The following HYOU1 variants were observed in gnomAD, a reference collection of about 807,000 sequenced individuals.
HYOU1 encodes the protein hypoxia up-regulated 1, also known as hypoxia up-regulated protein 1.
Under a neutral mutation model 120.5 loss-of-function variants are expected in HYOU1, and 40 were observed. The observed-to-expected ratio is 0.33, with a 90% CI of 0.26 to 0.43. The LOEUF is 0.43. Ranked by LOEUF, HYOU1 falls within the 20% of genes least tolerant of loss-of-function variation. HYOU1 has a pLI of 1.00. For synonymous variants in HYOU1, 501 were observed against 479.4 expected (o/e 1.05, Z -0.59); for missense variants, 1,085 against 1,278.3 (o/e 0.85, Z 2.31).
chr11:119,050,719 C>CAAAAAAAAAAAA lies in HYOU1; in HGVS notation c.1665+315_1665+316insTTTTTTTTTTTT, dbSNP rs1944379626. ...TTAAGTAACAGAGCCAAGACCCTCT[C>CAAAAAAAAAAAA]CAAAAAAAAAAAAAAAAAAAAAAAA... On this transcript the variant is annotated intron_variant, in intron 14 of 25. Transcript: ENST00000617285. Among the ~76,000 whole-genome samples the CAAAAAAAAAAAA allele has an allele frequency of 3.8e-5, 2 of 52,868 alleles. 1 individual carries two copies. The highest frequency in any genetic ancestry group is 7.4e-5 in the Non-Finnish European group (2 of 26,900). The allele number at this position is 52,868 out of a possible 152,430, so 34.7% of individuals were successfully genotyped here.
In HYOU1 at chr11:119,055,369, T is replaced by C. The variant is rs200953071; in HGVS notation, c.265-30A>G. Reference sequence around the variant, plus strand: ...GGGGTGAAGAAGGAGCAGACTAGTATTAGGCTCCCAAGTCCACCATTACCT... The same window carrying C: ...GGGGTGAAGAAGGAGCAGACTAGTACTAGGCTCCCAAGTCCACCATTACCT... On this transcript the variant is annotated intron_variant, in intron 4 of 25. Transcript: ENST00000617285. This position sits in a 1 kb window ranked among gnomAD's most constrained non-coding sequence, Gnocchi z 4.0. 1.2e-5 allele frequency: 19 copies of C among 1,610,224 alleles called. No homozygotes were observed. The highest frequency in any genetic ancestry group is 1.6e-5 in the Non-Finnish European group (19 of 1,177,372).
Position 119,052,426 on chromosome 11 carries a change from C to G in HYOU1, c.991G>C (p.Glu331Gln). 1 of 1,614,204 alleles carries G rather than the reference C, an allele frequency of 6.2e-7. No individual in the cohort carries two copies. The highest frequency in any genetic ancestry group is 8.5e-7 in the Non-Finnish European group (1 of 1,180,030). Residue 331 changes from glutamate to glutamine, a missense_variant, in exon 10 of 26, where the codon GAA (glutamate) becomes CAA (glutamine). Physicochemically the swap from Glu to Gln is conservative, Grantham distance 29. Around this residue, in one of 4 missense-constraint regions of HYOU1, gnomAD observed 515 missense variants for 677.8 expected, o/e 0.76. Coordinates refer to ENST00000617285, the MANE Select transcript of HYOU1 (RefSeq NM_006389.5). This position sits in a 1 kb window ranked among gnomAD's most constrained non-coding sequence, Gnocchi z 5.0. ...AAGTCCACATCATCCATCAGGCCTT[C>G]AATCTGGGAGAGGATGGGGACTGTC... ...SANADHMAQI[E>Q]GLMDDVDFKA... is the part of the protein sequence containing the mutation.
At position 119,045,632 on chromosome 11, in the gene HYOU1, C is replaced by G. The variant is rs782684099; in HGVS notation, c.2961G>C (p.Ser987=). The G allele has an allele frequency of 2.5e-6, 4 of 1,614,186 alleles. No homozygotes were observed. The highest frequency in any genetic ancestry group is 3.3e-5 in the Admixed American group (2 of 60,018). Reference sequence around the variant, plus strand: ...TCTTCAAAGGCCGCTTCTGTCCTGTCGATTGTTCTTTCTGTTCAGGTTCTG... The same window carrying G: ...TCTTCAAAGGCCGCTTCTGTCCTGTGGATTGTTCTTTCTGTTCAGGTTCTG... ...PGAEPEQKEQ[S]TGQKRPLKND... The change falls in exon 26 of 26, where the codon TCG becomes TCC. Residue 987 remains serine, a synonymous_variant. Transcript: ENST00000617285.
chr11:119,049,579 C>T lies in HYOU1; in HGVS notation c.1783G>A (p.Glu595Lys), dbSNP rs1944296337. The change falls in exon 16 of 26, where the codon GAG becomes AAG. Residue 595 changes from glutamate (E) to lysine (K), a missense_variant. Around this residue, in one of 4 missense-constraint regions of HYOU1, gnomAD observed 516 missense variants for 517.1 expected, o/e 1.00. Transcript: ENST00000617285. ...ACCTGGACAGTATCAGTACCATTCT[C>T]CTTGGCATCTGGTGTGGTACCGCCT... The part of the protein sequence containing the change: ...FGGGTTPDAK[E>K]NGTDTVQEEE... The T allele has an allele frequency of 6.2e-7, 1 of 1,614,172 alleles. No individual in the cohort carries two copies. The highest frequency in any genetic ancestry group is 8.5e-7 in the Non-Finnish European group (1 of 1,180,038).
At position 119,046,565 on chromosome 11, in the gene HYOU1, C is replaced by T. The variant is rs2133550936; in HGVS notation, c.2833G>A (p.Ala945Thr). Residue 945 changes from alanine to threonine, a missense_variant, in exon 23 of 26, where the codon GCA becomes ACA. This residue lies in a region of HYOU1 where 516 missense variants were observed against 517.1 expected (regional missense o/e 1.00). Transcript: ENST00000617285. Reference protein sequence around the residue: ...SDQGEKVIPPAGQTEDAEPIS... With the variant: ...SDQGEKVIPPTGQTEDAEPIS... ...CAGCCAGGTACCCTGTTCTCACCTG[C>T]TGGAGGGATGACCTTCTCCCCCTGG... is the stretch of plus-strand genomic sequence containing the variant. 6.2e-7 allele frequency: 1 copy of T among 1,613,728 alleles called. No homozygotes were observed. The highest frequency in any genetic ancestry group is 8.5e-7 in the Non-Finnish European group (1 of 1,179,722).
At position 119,055,114 on chromosome 11, in the gene HYOU1, C is replaced by T. The variant is rs2133610099; in HGVS notation, c.420-54G>A. The T allele has an allele frequency of 5.6e-5, 90 of 1,613,286 alleles. 1 individual carries two copies. The African/African-American group carries it at 1.0e-3, about 18-fold the overall frequency. The stretch of plus-strand genomic sequence containing the variant: ...AGGAAAGCCAGGCATTAAGGCAGGA[C>T]AATCAGGAACACACACCAATGAGGA... On this transcript the variant is annotated intron_variant, in intron 5 of 25. Transcript: ENST00000617285. This position sits in a 1 kb window ranked among gnomAD's most constrained non-coding sequence, Gnocchi z 4.0.
chr11:119,046,495 G>C (rs2133550400), intron 23 of HYOU1, 28 bp from the exon 24 acceptor site: 1 of 1,614,128 alleles, frequency 6.2e-7, no homozygotes, highest in South Asian at 1.1e-5. Context: ...GTAAGACATA[G>C]CCTCAGGAAG....
Position 119,052,381 on chromosome 11 carries a change from C to A in HYOU1, c.1036G>T (p.Val346Leu), listed in dbSNP as rs1306792165. The A allele has an allele frequency of 2.5e-6, 4 of 1,614,142 alleles. No individual in the cohort carries two copies. In the Admixed American group the frequency reaches 6.7e-5, roughly 27 times the overall value. ...TCTGCACACAACTCCTCAAATTCCA[C>A]ACGAGTCACTTTTGCCTTGAAGTCC... is the stretch of plus-strand genomic sequence containing the variant. ...DVDFKAKVTR[V>L]EFEELCADLF... The change falls in exon 10 of 26, where the codon GTG becomes TTG. Residue 346 changes from valine (V) to leucine (L), a missense_variant. Physicochemically the swap from Val to Leu is conservative, Grantham distance 32. Transcript: ENST00000617285. The surrounding 1 kb of genome is among the most constrained non-coding windows in gnomAD (Gnocchi z 5.0).
In HYOU1 at chr11:119,051,673, G is replaced by C; in HGVS notation, c.1339-48C>G. The C allele has an allele frequency of 6.2e-7, 1 of 1,603,342 alleles. No homozygotes were observed. The highest frequency in any genetic ancestry group is 1.1e-5 in the South Asian group (1 of 90,608). ...CACACTGTTGCACACTAGAGAACCC[G>C]AGTAGGTTCTGGGGTAAGGATGGGG... On this transcript the variant is annotated intron_variant, in intron 12 of 25. Coordinates refer to ENST00000617285, the MANE Select transcript of HYOU1 (RefSeq NM_006389.5). The surrounding 1 kb of genome is among the most constrained non-coding windows in gnomAD (Gnocchi z 4.2).
At position 119,052,808 on chromosome 11, in the gene HYOU1, G is replaced by GC; in HGVS notation, c.815dup (p.Leu273ProfsTer17). ...CTCGAAGCCGGAGCTCCATCTCCAG[G>GC]CCCCCCAGGGTACGGTCAAATCTGT... On this transcript the variant is annotated frameshift_variant, in exon 9 of 26. Transcript: ENST00000617285. LOFTEE classifies it high-confidence loss of function. The surrounding 1 kb of genome is among the most constrained non-coding windows in gnomAD (Gnocchi z 5.0). 1.2e-6 allele frequency: 2 copies of GC among 1,613,894 alleles called. No individual in the cohort carries two copies.
chr11:119,054,548 G>A lies in HYOU1; in HGVS notation c.624C>T (p.Ala208=). ...GGAAGACACCATAGCTGAGGGCAGT[G>A]GCGGTGTTGTCATTGATGAGCTGCA... ...KVLQLINDNT[A]TALSYGVFRR... The change falls in exon 7 of 26, where the codon GCC becomes GCT. Residue 208 remains alanine (A), a synonymous_variant. Coordinates refer to ENST00000617285, the MANE Select transcript of HYOU1 (RefSeq NM_006389.5). 1 of 1,614,178 alleles carries A rather than the reference G, an allele frequency of 6.2e-7. No homozygotes were observed. The highest frequency in any genetic ancestry group is 8.5e-7 in the Non-Finnish European group (1 of 1,180,022).
chr11:119,047,410 AAC>A, intron 22 of HYOU1: 2 of 307,380 alleles, frequency 6.5e-6, no homozygotes, highest in Non-Finnish European at 6.2e-6. Flanking sequence ...ACACATCCAA[AAC>A]AGTTTCTGCT....
Position 119,051,709 on chromosome 11 carries a change from G to A in HYOU1, c.1339-84C>T. The A allele has an allele frequency of 6.9e-6, 11 of 1,594,394 alleles. No homozygotes were observed. The highest frequency in any genetic ancestry group is 2.2e-5 in the East Asian group (1 of 44,616). The stretch of plus-strand genomic sequence containing the variant: ...GGGGTAAGGATGGGGGTGGGATGGG[G>A]GAGACCTCTTAGCAGAAAGACAAAG... On this transcript the variant is annotated intron_variant, in intron 12 of 25. Coordinates refer to ENST00000617285, the MANE Select transcript of HYOU1 (RefSeq NM_006389.5). This position sits in a 1 kb window ranked among gnomAD's most constrained non-coding sequence, Gnocchi z 4.2.
Position 119,048,176 on chromosome 11 carries a change from T to C in HYOU1, c.2376+72A>G. ...TCTTTATGGGCTCAAGCCCCAGCTC[T>C]TCTCTCTCTCTGACCCTGGGAGAGG... is the stretch of plus-strand genomic sequence containing the variant. On this transcript the variant is annotated intron_variant, in intron 20 of 25. Coordinates refer to ENST00000617285, the MANE Select transcript of HYOU1 (RefSeq NM_006389.5). The surrounding 1 kb of genome is among the most constrained non-coding windows in gnomAD (Gnocchi z 4.7). The C allele has an allele frequency of 6.2e-7, 1 of 1,608,728 alleles. No individual in the cohort carries two copies. Among genetic ancestry groups the C allele is most frequent in the South Asian group, 1.1e-5 (1 of 90,866 alleles).
rs1423471573 is a variant in HYOU1, at chr11:119,049,634, T to C, written c.1728A>G (p.Lys576=). ...ACAGGCTGGAAATGGTGTTGCCAAG[T>C]TCTAGGGGGAGTAAAACCCAAAGAC... is the stretch of plus-strand genomic sequence containing the variant. ...DSAEEESTLT[K]LGNTISSLFG... is the part of the protein sequence containing the mutation. Residue 576 remains lysine, a splice_region_variant and synonymous_variant, in exon 16 of 26, where the codon AAA becomes AAG. Coordinates refer to ENST00000617285, the MANE Select transcript of HYOU1 (RefSeq NM_006389.5). 2 of 1,614,138 alleles carry C rather than the reference T, an allele frequency of 1.2e-6. No individual in the cohort carries two copies. The highest frequency in any genetic ancestry group is 1.7e-6 in the Non-Finnish European group (2 of 1,180,020).
In HYOU1 at chr11:119,045,873, A is replaced by G. The variant is rs2133545696; in HGVS notation, c.2888-42T>C. 3.1e-6 allele frequency: 5 copies of G among 1,603,116 alleles called. No homozygotes were observed. The South Asian group carries it at 5.6e-5, about 18-fold the overall frequency. On this transcript the variant is annotated intron_variant, in intron 24 of 25. Transcript: ENST00000617285. The stretch of plus-strand genomic sequence containing the variant: ...CAGGTTAGTCTCCTCAGAAGGGAGG[A>G]AGAGGCTAAGGGAAGGCTGGGCCAG...
Position 119,048,193 on chromosome 11 carries a change from T to C in HYOU1, c.2376+55A>G. ...CCCAGCTCTTCTCTCTCTCTGACCC[T>C]GGGAGAGGAAGGAGAGCTCCCACTC... On this transcript the variant is annotated intron_variant, in intron 20 of 25. Coordinates refer to ENST00000617285, the MANE Select transcript of HYOU1 (RefSeq NM_006389.5). This position sits in a 1 kb window ranked among gnomAD's most constrained non-coding sequence, Gnocchi z 4.7. 1 of 1,606,980 alleles carries C rather than the reference T, an allele frequency of 6.2e-7. No homozygotes were observed.
chr11:119,056,504 A>G (rs1375100835), intron 1 of HYOU1: 8 of 409,208 alleles, frequency 2.0e-5, no homozygotes, highest in Non-Finnish European at 3.8e-5. Flanking sequence ...GCCTGTTGTC[A>G]GACACCTGGG....
In HYOU1 at chr11:119,055,584, GATTTT is replaced by G; in HGVS notation, c.186-18_186-14del. The G allele has an allele frequency of 6.2e-7, 1 of 1,612,898 alleles. No homozygotes were observed. Among genetic ancestry groups the G allele is most frequent in the Non-Finnish European group, 8.5e-7 (1 of 1,178,876 alleles). On this transcript the variant is annotated splice_polypyrimidine_tract_variant and intron_variant, in intron 3 of 25. Coordinates refer to ENST00000617285, the MANE Select transcript of HYOU1 (RefSeq NM_006389.5). This position sits in a 1 kb window ranked among gnomAD's most constrained non-coding sequence, Gnocchi z 4.0. Reference sequence around the variant, plus strand: ...CCTCCGAGATTCCCTGAGGAAAAGAGATTTTGGGCCCAGGTGCCTGCAGCAGAAGG... The same window carrying G: ...CCTCCGAGATTCCCTGAGGAAAAGAGGGGCCCAGGTGCCTGCAGCAGAAGG...
Sources: allele counts gnomAD v4.1 joint callset (sites outside exome capture counted in the v4.1 genomes callset), GRCh38; gene constraint gnomAD v4.1.1; regional missense constraint gnomAD v4.1.1; non-coding constraint Gnocchi (gnomAD v3.1); transcripts MANE v1.5; gene names NCBI Gene and HGNC (gene_info 2026-07-23, HGNC 2026-07-21).